Variants in NTNG1 observed in about 807,000 individuals in gnomAD.
NTNG1 encodes the protein netrin G1, also known as netrin-G1.
NTNG1 carries 16 observed loss-of-function variants against 54.0 expected under a neutral mutation model. The observed-to-expected ratio is 0.30, with a 90% CI of 0.20 to 0.45. The LOEUF is 0.45. Among genes scored for constraint, NTNG1 ranks in the 20% least tolerant of loss-of-function variants. The pLI is 1.00. For synonymous variants in NTNG1, 255 were observed against 263.1 expected (o/e 0.97, Z 0.30); for missense variants, 530 against 678.7 (o/e 0.78, Z 2.43).
At chr1:107,151,105 T>C (rs1203815638) in intron 2 of NTNG1, among the ~76,000 whole-genome samples, 2 of 152,320 alleles carry the variant, frequency 1.3e-5, no homozygotes, top group Non-Finnish European at 2.9e-5. Context: ...AAATATTACC[T>C]ATCAATGCTT....
At chr1:107,333,836 T>TA (rs1182524630) in intron 3 of NTNG1, 1 of 144,882 alleles carries the variant, frequency 6.9e-6, no homozygotes, top group African/African-American at 2.5e-5. Context: ...TTTTTTTTTT[T>TA]AACTGTCGCT....
intron 2 of NTNG1, among the ~76,000 whole-genome samples, chr1:107,258,287 GGA>G (rs1491484016): frequency 1.6e-5 from 2 of 124,824 alleles, no homozygotes; most frequent in Non-Finnish European, 1.7e-5. Flanking sequence ...TAGTGGTTGA[GGA>G]AAAAAAAAAA....
chr1:107,290,984 T>TATATATACACACAC (rs1160371267), intron 2 of NTNG1, among the ~76,000 whole-genome samples: 1 of 140,024 alleles, frequency 7.1e-6, no homozygotes, highest in African/African-American at 2.8e-5. Context: ...TATATATATA[T>TATATATACACACAC]ACACACACAC....
chr1:107,195,538 A>T (rs1658256674), intron 2 of NTNG1, among the ~76,000 whole-genome samples: 1 of 151,876 alleles, frequency 6.6e-6, no homozygotes, highest in Admixed American at 6.6e-5. Context: ...AGTCCTCACT[A>T]TGTCCCACAA....
At chr1:107,254,501 C>T (rs533611946) in intron 2 of NTNG1, among the ~76,000 whole-genome samples, 4 of 152,322 alleles carry the variant, frequency 2.6e-5, no homozygotes, top group African/African-American at 4.8e-5. Context: ...AAGAGCTCCC[C>T]GGGCTCCTTC....
chr1:107,282,981 C>T (rs925009779), intron 2 of NTNG1, among the ~76,000 whole-genome samples: 3 of 152,094 alleles, frequency 2.0e-5, no homozygotes, highest in Non-Finnish European at 4.4e-5. Flanking sequence ...AGCTCTCTGA[C>T]ATCTGTTTTA....
chr1:107,339,265 C>T (rs1386967217), intron 3 of NTNG1, among the ~76,000 whole-genome samples: 3 of 152,048 alleles, frequency 2.0e-5, no homozygotes, highest in African/African-American at 4.8e-5. Context: ...CAACAGGTTA[C>T]AATCTATCAG....
chr1:107,247,669 C>A (rs957112394), intron 2 of NTNG1, among the ~76,000 whole-genome samples: 5 of 152,172 alleles, frequency 3.3e-5, no homozygotes, highest in African/African-American at 1.2e-4. Flanking sequence ...GAATGTCAAA[C>A]TTGTAATGCC....
At chr1:107,366,567 A>G (rs1008548283) in intron 3 of NTNG1, among the ~76,000 whole-genome samples, 1 of 152,196 alleles carries the variant, frequency 6.6e-6, no homozygotes, top group Non-Finnish European at 1.5e-5. Flanking sequence ...GACAAAAACT[A>G]TTTCTGTAAA....
chr1:107,304,816 A>G (rs1255348254), intron 2 of NTNG1, among the ~76,000 whole-genome samples: 3 of 151,614 alleles, frequency 2.0e-5, no homozygotes, highest in African/African-American at 7.3e-5. Flanking sequence ...TACACATGCC[A>G]TGGTCGTTTG....
At chr1:107,290,424 C>G (rs530494742) in intron 2 of NTNG1, among the ~76,000 whole-genome samples, 129 of 152,272 alleles carry the variant, frequency 8.5e-4, no homozygotes, top group African/African-American at 2.9e-3. Flanking sequence ...GACGTGGACC[C>G]TGACCCAAAC....
At chr1:107,459,617 A>T (rs1677157567) in intron 7 of NTNG1, among the ~76,000 whole-genome samples, 1 of 152,188 alleles carries the variant, frequency 6.6e-6, no homozygotes, top group Non-Finnish European at 1.5e-5. Context: ...AAGATTAATG[A>T]TTCTTTACAG....
chr1:107,376,702 T>C (rs1671286197), intron 3 of NTNG1, among the ~76,000 whole-genome samples: 1 of 152,220 alleles, frequency 6.6e-6, no homozygotes, highest in East Asian at 1.9e-4. Context: ...TTTTAATTTG[T>C]ATGACATGGA....
chr1:107,365,713 C>T (rs568776459), intron 3 of NTNG1, among the ~76,000 whole-genome samples: 1 of 152,170 alleles, frequency 6.6e-6, no homozygotes, highest in Non-Finnish European at 1.5e-5. Flanking sequence ...AACTACTTAA[C>T]ATAATCCCTC....
chr1:107,144,939 G>A (rs1271740185), intron 1 of NTNG1, among the ~76,000 whole-genome samples: 4 of 151,984 alleles, frequency 2.6e-5, no homozygotes, highest in Non-Finnish European at 4.4e-5. Flanking sequence ...GGTAGAACTG[G>A]AGCTGCCCAG....
At chr1:107,334,762 G>T (rs962728814) in intron 3 of NTNG1, among the ~76,000 whole-genome samples, 1 of 151,928 alleles carries the variant, frequency 6.6e-6, no homozygotes, top group Non-Finnish European at 1.5e-5. Context: ...TCTGCGTCCC[G>T]TGCCTACAAC....
Position 107,393,701 on chromosome 1 carries a change from C to A in NTNG1, c.888-1453C>A, listed in dbSNP as rs111717821. Among the ~76,000 whole-genome samples the A allele has an allele frequency of 6.6e-3, 1,004 of 151,540 alleles. 19 individuals are homozygous for A. The highest frequency in any genetic ancestry group is 0.026 in the South Asian group (123 of 4,794). On this transcript the variant is annotated intron_variant, in intron 3 of 7. Transcript: ENST00000370068. The stretch of plus-strand genomic sequence containing the variant: ...ACTACACCTTTTAGTTAAAAGAGAG[C>A]CCAACAGCTTTCAGTAATAGTCTTA...
At chr1:107,462,465 T>G (rs1558017755) in intron 7 of NTNG1, among the ~76,000 whole-genome samples, 1 of 152,194 alleles carries the variant, frequency 6.6e-6, no homozygotes, top group African/African-American at 2.4e-5. Context: ...AACCAGTGCA[T>G]GAAAAGCACT....
intron 2 of NTNG1, among the ~76,000 whole-genome samples, chr1:107,204,452 A>G (rs557441457): frequency 1.3e-5 from 2 of 152,238 alleles, no homozygotes; most frequent in Non-Finnish European, 2.9e-5. Context: ...GAATGACCAC[A>G]TGGAAAGACC....
Sources: allele counts gnomAD v4.1 joint callset (sites outside exome capture counted in the v4.1 genomes callset), GRCh38; gene constraint gnomAD v4.1.1; transcripts MANE v1.5; gene names NCBI Gene and HGNC (gene_info 2026-07-23, HGNC 2026-07-21).